IL1R1: variants seen among roughly 807,000 people sequenced by gnomAD.
The protein encoded by IL1R1 is interleukin-1 receptor type 1.
A neutral mutation model predicts 50.2 loss-of-function variants in IL1R1; 22 were observed. The ratio of observed to expected loss-of-function variants is 0.44; its 90% CI spans 0.31 to 0.63. The LOEUF is 0.63. IL1R1 is among the 20% of genes least tolerant of loss of function. The pLI, the probability that IL1R1 is intolerant of heterozygous loss-of-function variation, is 0.07. For missense variants in IL1R1, 509 were observed against 676.2 expected, an observed-to-expected ratio of 0.75 and a Z score of 2.74; for synonymous variants, 251 against 236.7, an observed-to-expected ratio of 1.06 and a Z score of -0.55.
chr2:102,085,463 G>A (rs1679392886), intron 1 of IL1R1, among the ~76,000 whole-genome samples: 1 of 152,098 alleles, frequency 6.6e-6, no homozygotes, highest in Non-Finnish European at 1.5e-5. Context: ...GTGCCATTTA[G>A]AGAAATGAAT....
At chr2:102,114,288 T>C (rs781155856) in intron 1 of IL1R1, among the ~76,000 whole-genome samples, 7 of 152,250 alleles carry the variant, frequency 4.6e-5, no homozygotes, top group Non-Finnish European at 8.8e-5. Context: ...TAGATGTTTC[T>C]CTGGAAAGGT....
intron 1 of IL1R1, among the ~76,000 whole-genome samples, chr2:102,151,812 G>A (rs779452842): frequency 2.0e-5 from 3 of 152,228 alleles, no homozygotes; most frequent in Non-Finnish European, 2.9e-5. Context: ...AGGATTGGAA[G>A]AATTGACTTC....
chr2:102,100,149 C>T (rs541978097), upstream of IL1R1, among the ~76,000 whole-genome samples: 3 of 152,212 alleles, frequency 2.0e-5, no homozygotes, highest in African/African-American at 7.2e-5. Flanking sequence ...TTGGCCAATG[C>T]CAATTTGATA....
intron 1 of IL1R1, among the ~76,000 whole-genome samples, chr2:102,118,833 T>C (rs984138298): frequency 5.3e-5 from 8 of 151,852 alleles, no homozygotes; most frequent in Non-Finnish European, 1.2e-4. Flanking sequence ...CCGGCTAACA[T>C]GGTGAAACCC....
At chr2:102,114,831 A>T (rs1275445914) in intron 1 of IL1R1, among the ~76,000 whole-genome samples, 1 of 151,888 alleles carries the variant, frequency 6.6e-6, no homozygotes, top group Non-Finnish European at 1.5e-5. Context: ...GCAGACCTTT[A>T]CTTTAGTCTG....
At chr2:102,084,415 A>G (rs1168036439) in intron 1 of IL1R1, among the ~76,000 whole-genome samples, 8 of 152,194 alleles carry the variant, frequency 5.3e-5, no homozygotes, top group African/African-American at 1.7e-4. Context: ...CTCGGAATCA[A>G]CTCACAGTAG....
At chr2:102,136,440 G>A (rs551542165) in intron 1 of IL1R1, among the ~76,000 whole-genome samples, 6 of 139,082 alleles carry the variant, frequency 4.3e-5, no homozygotes, top group Middle Eastern at 4.2e-3. Context: ...GCAGTGGCAC[G>A]ATCTTGGCTC....
At chr2:102,159,608 A>G (rs942290525) in intron 3 of IL1R1, among the ~76,000 whole-genome samples, 4 of 152,170 alleles carry the variant, frequency 2.6e-5, no homozygotes, top group Admixed American at 6.5e-5. Flanking sequence ...GTAAAAAACA[A>G]TTAACACTGA....
intron 1 of IL1R1, among the ~76,000 whole-genome samples, chr2:102,111,934 A>G (rs1204053727): frequency 6.6e-6 from 1 of 152,152 alleles, no homozygotes; most frequent in Non-Finnish European, 1.5e-5. Context: ...CAGAACTGGA[A>G]CTTTTCCTCC....
At chr2:102,083,072 C>G (rs149776307) in intron 1 of IL1R1, among the ~76,000 whole-genome samples, 14 of 152,228 alleles carry the variant, frequency 9.2e-5, no homozygotes, top group Non-Finnish European at 2.1e-4. Flanking sequence ...AGGGCTGGCA[C>G]GTGACTTTGC....
intron 1 of IL1R1, among the ~76,000 whole-genome samples, chr2:102,072,281 A>G (rs1678766403): frequency 6.6e-6 from 1 of 152,252 alleles, no homozygotes; most frequent in African/African-American, 2.4e-5. Flanking sequence ...AAAAAAAGAA[A>G]AAAATTCGTA....
At chr2:102,149,895 A>G (rs971436049) in intron 1 of IL1R1, among the ~76,000 whole-genome samples, 5 of 152,076 alleles carry the variant, frequency 3.3e-5, no homozygotes, top group Admixed American at 3.3e-4. Context: ...AGCGCAGCCT[A>G]TGTTTTGACA....
intron 7 of IL1R1, among the ~76,000 whole-genome samples, chr2:102,170,980 G>GA (rs1436231781): frequency 6.6e-6 from 1 of 152,188 alleles, no homozygotes; most frequent in Non-Finnish European, 1.5e-5. Flanking sequence ...AGAGTCACTT[G>GA]AACCCAGGAG....
At position 102,162,845 on chromosome 2, in the gene IL1R1, T is replaced by G. The variant is rs117334159; in HGVS notation, c.62-1929T>G. ...GAAAGATGATCTTATAATTACCCAT[T>G]TTTGTTGCTATTCATTCTTTTGCGT... On this transcript the variant is annotated intron_variant, in intron 3 of 11. Transcript: ENST00000410023. 9.5e-4 allele frequency among the ~76,000 whole-genome samples: 145 copies of G among 152,260 alleles called. No individual in the cohort carries two copies. In the East Asian group the frequency reaches 0.024, roughly 25 times the overall value.
At chr2:102,149,904 C>T (rs1683503567) in intron 1 of IL1R1, among the ~76,000 whole-genome samples, 1 of 152,158 alleles carries the variant, frequency 6.6e-6, no homozygotes, top group Non-Finnish European at 1.5e-5. Flanking sequence ...TATGTTTTGA[C>T]AGACATGGAA....
intron 3 of IL1R1, among the ~76,000 whole-genome samples, chr2:102,162,956 C>G (rs566115584): frequency 4.6e-5 from 7 of 152,194 alleles, no homozygotes; most frequent in Non-Finnish European, 7.4e-5. Flanking sequence ...TGACATTTTA[C>G]AGCTTTGGCA....
At chr2:102,155,152 A>G (rs958898163) in intron 2 of IL1R1, among the ~76,000 whole-genome samples, 1 of 152,236 alleles carries the variant, frequency 6.6e-6, no homozygotes, top group African/African-American at 2.4e-5. Context: ...AACTGAAAAC[A>G]TTTTATCAAA....
intron 1 of IL1R1, among the ~76,000 whole-genome samples, chr2:102,118,317 G>A (rs886865208): frequency 3.3e-5 from 5 of 152,126 alleles, no homozygotes; most frequent in Non-Finnish European, 7.3e-5. Context: ...GCAAGGAAGC[G>A]CACTTCCCCT....
chr2:102,172,342 T>A, intron 8 of IL1R1: 1 of 985,348 alleles, frequency 1.0e-6, no homozygotes, highest in Non-Finnish European at 1.2e-6. Flanking sequence ...TGACCTCTCC[T>A]TCACAACACC....
Sources: allele counts gnomAD v4.1 joint callset (sites outside exome capture counted in the v4.1 genomes callset), GRCh38; gene constraint gnomAD v4.1.1; transcripts MANE v1.5; gene names NCBI Gene and HGNC (gene_info 2026-07-23, HGNC 2026-07-21).